The following ITGBL1 variants were observed in gnomAD, a reference collection of about 807,000 sequenced individuals.
ITGBL1 encodes integrin beta-like protein 1.
Under a neutral mutation model 68.5 loss-of-function variants are expected in ITGBL1, and 51 were observed. The observed-to-expected ratio is 0.74, with a 90% CI of 0.59 to 0.94. The LOEUF is 0.94. ITGBL1 is among the 40% of genes least tolerant of loss of function. ITGBL1 has a pLI of 0.00. For missense variants in ITGBL1, 649 were observed against 647.4 expected (o/e 1.00, Z -0.03); for synonymous variants, 209 against 227.3 (o/e 0.92, Z 0.72).
At position 101,556,881 on chromosome 13, in the gene ITGBL1, T is replaced by A. The variant is rs552993479; in HGVS notation, c.317-10818T>A. On this transcript the variant is annotated intron_variant, in intron 2 of 10. Transcript: ENST00000376180. ...TCCAGAAATATGAGACAAAACATTT[T>A]TGTTGTCTGGAGTTACTCAATTTGT... Among the ~76,000 whole-genome samples the A allele has an allele frequency of 1.1e-3, 174 of 152,310 alleles. 1 individual carries two copies. Among genetic ancestry groups the A allele is most frequent in the African/African-American group, 4.1e-3 (171 of 41,574 alleles).
chr13:101,590,799 A>G lies in ITGBL1; in HGVS notation c.869-7354A>G, dbSNP rs16951697. Among the ~76,000 whole-genome samples the G allele has an allele frequency of 9.0e-3, 1,376 of 152,324 alleles. 22 individuals are homozygous for G. The highest frequency in any genetic ancestry group is 0.031 in the African/African-American group (1,300 of 41,570). On this transcript the variant is annotated intron_variant, in intron 6 of 10. Transcript: ENST00000376180. ...ACTGTACTTTAAATGTGAAATATTTATGTGTTAAAATCATTATTTATATAG... is the reference window on the plus strand; with the variant it reads ...ACTGTACTTTAAATGTGAAATATTTGTGTGTTAAAATCATTATTTATATAG...
At chr13:101,651,208 T>C (rs759185687) in intron 7 of ITGBL1, among the ~76,000 whole-genome samples, 10 of 152,196 alleles carry the variant, frequency 6.6e-5, no homozygotes, top group Non-Finnish European at 1.2e-4. Flanking sequence ...TTCTAGATCT[T>C]TGAGGAATCT....
chr13:101,558,116 A>T (rs975809138), intron 2 of ITGBL1, among the ~76,000 whole-genome samples: 4 of 135,110 alleles, frequency 3.0e-5, no homozygotes, highest in African/African-American at 5.6e-5. Context: ...AAAAAAAAAA[A>T]GCCTAACGAG....
At chr13:101,616,026 G>A (rs1240239481) in intron 7 of ITGBL1, among the ~76,000 whole-genome samples, 1 of 152,080 alleles carries the variant, frequency 6.6e-6, no homozygotes, top group Non-Finnish European at 1.5e-5. Context: ...TTTTATAGCA[G>A]CTCAAATGGA....
At chr13:101,624,062 C>G (rs1393669235) in intron 7 of ITGBL1, among the ~76,000 whole-genome samples, 1 of 152,104 alleles carries the variant, frequency 6.6e-6, no homozygotes, top group Non-Finnish European at 1.5e-5. Flanking sequence ...CTAAAGCCAC[C>G]AGGATTCCTG....
intron 7 of ITGBL1, among the ~76,000 whole-genome samples, chr13:101,601,180 G>A (rs2030353184): frequency 6.6e-6 from 1 of 152,074 alleles, no homozygotes; most frequent in Admixed American, 6.5e-5. Flanking sequence ...TATGTGTTGA[G>A]GAAATTTATC....
At chr13:101,606,603 G>T (rs1362421584) in intron 7 of ITGBL1, among the ~76,000 whole-genome samples, 1 of 482 alleles carries the variant, frequency 2.1e-3, no homozygotes, top group Non-Finnish European at 4.2e-3. Context: ...TTTGACTTTG[G>T]TTTAAAAAAA....
At chr13:101,628,409 A>G (rs1374871711) in intron 7 of ITGBL1, among the ~76,000 whole-genome samples, 2 of 150,092 alleles carry the variant, frequency 1.3e-5, no homozygotes, top group African/African-American at 4.9e-5. Flanking sequence ...TGTTCTCTTG[A>G]TATTTCTTTT....
intron 7 of ITGBL1, among the ~76,000 whole-genome samples, chr13:101,624,604 G>A (rs2031707272): frequency 6.6e-6 from 1 of 152,160 alleles, no homozygotes; most frequent in Non-Finnish European, 1.5e-5. Context: ...TCTTTGCCGA[G>A]TCCTGACACA....
intron 7 of ITGBL1, among the ~76,000 whole-genome samples, chr13:101,616,481 C>A (rs889803361): frequency 6.6e-6 from 1 of 151,970 alleles, no homozygotes; most frequent in Admixed American, 6.6e-5. Flanking sequence ...AGTTTTCTTT[C>A]TTTTTCTTTT....
At chr13:101,651,721 C>T (rs891615774) in intron 7 of ITGBL1, among the ~76,000 whole-genome samples, 6 of 151,858 alleles carry the variant, frequency 4.0e-5, no homozygotes, top group East Asian at 1.9e-4. Context: ...TTGCTTTTGA[C>T]GTTTTCATCA....
chr13:101,680,930 T>C (rs1044236870), intron 7 of ITGBL1, among the ~76,000 whole-genome samples: 1 of 152,156 alleles, frequency 6.6e-6, no homozygotes, highest in Non-Finnish European at 1.5e-5. Flanking sequence ...AACAAACACA[T>C]TAAGACTCAA....
intron 5 of ITGBL1, among the ~76,000 whole-genome samples, chr13:101,580,251 G>A (rs6491634): frequency 0.98 from 149,802 of 152,210 alleles, 73,769 homozygotes; most frequent in Middle Eastern, 1. Context: ...ATTGCAATAG[G>A]TAATGCTAAT....
At chr13:101,530,818 A>C (rs753237572) in intron 2 of ITGBL1, among the ~76,000 whole-genome samples, 1 of 152,200 alleles carries the variant, frequency 6.6e-6, no homozygotes, top group Non-Finnish European at 1.5e-5. Context: ...CATTTTTGGG[A>C]TATGTCGCAT....
intron 7 of ITGBL1, among the ~76,000 whole-genome samples, chr13:101,628,597 T>TG: frequency 1.6e-5 from 1 of 63,200 alleles, no homozygotes. Flanking sequence ...CATACCCAGC[T>TG]AATTTTTTTT....
rs2034270475 is a variant in ITGBL1 at position 101,706,669 on chromosome 13, A to G, written c.1133-87A>G. The G allele has an allele frequency of 1.4e-5, 18 of 1,327,510 alleles. No homozygotes were observed. In the South Asian group the frequency reaches 2.6e-4, roughly 19 times the overall value. 82.2% of individuals were successfully genotyped at this position (1,327,510 alleles called of 1,614,324 possible). On this transcript the variant is annotated intron_variant, in intron 8 of 10. Coordinates refer to ENST00000376180, the MANE Select transcript of ITGBL1 (RefSeq NM_004791.3). ...TGTGTTGGATGGGAAATGAGATCCT[A>G]TGGTTTACACATTTCTTTCTTAAAA...
chr13:101,458,606 C>T lies in ITGBL1; in HGVS notation c.316+4506C>T, dbSNP rs148013021. Reference sequence around the variant, plus strand: ...CTGCTGGGAATTAGTTCTAGGGAGCCTCCCCCACCAGTGGATACCAAGGAT... The same window carrying T: ...CTGCTGGGAATTAGTTCTAGGGAGCTTCCCCCACCAGTGGATACCAAGGAT... On this transcript the variant is annotated intron_variant, in intron 2 of 10. Coordinates refer to ENST00000376180, the MANE Select transcript of ITGBL1 (RefSeq NM_004791.3). Among the ~76,000 whole-genome samples, 916 of 152,088 alleles carry T rather than the reference C, an allele frequency of 6.0e-3. 10 individuals are homozygous for T. The highest frequency in any genetic ancestry group is 0.021 in the African/African-American group (879 of 41,410).
At chr13:101,620,931 T>G (rs2031555459) in intron 7 of ITGBL1, among the ~76,000 whole-genome samples, 1 of 152,136 alleles carries the variant, frequency 6.6e-6, no homozygotes, top group Non-Finnish European at 1.5e-5. Flanking sequence ...GTACCCAAAG[T>G]GGAGAACAGT....
At chr13:101,603,977 T>C (rs1317460417) in intron 7 of ITGBL1, among the ~76,000 whole-genome samples, 1 of 151,958 alleles carries the variant, frequency 6.6e-6, no homozygotes, top group Non-Finnish European at 1.5e-5. Context: ...GTTATGTTGC[T>C]AGTAGAAGTA....
Sources: allele counts gnomAD v4.1 joint callset (sites outside exome capture counted in the v4.1 genomes callset), GRCh38; gene constraint gnomAD v4.1.1; transcripts MANE v1.5; gene names NCBI Gene and HGNC (gene_info 2026-07-23, HGNC 2026-07-21).